GALNT10: variants seen among roughly 807,000 people sequenced by gnomAD.
GALNT10 encodes the protein polypeptide N-acetylgalactosaminyltransferase 10.
Under a neutral mutation model 75.0 loss-of-function variants are expected in GALNT10, and 41 were observed. That is an observed-to-expected ratio of 0.55 (90% CI 0.43 to 0.71). GALNT10 has a LOEUF of 0.71. Among genes scored for constraint, GALNT10 ranks in the 30% least tolerant of loss-of-function variants. The pLI is 0.00. For missense variants in GALNT10, 727 were observed against 818.5 expected (o/e 0.89, Z 1.36); for synonymous variants, 302 against 313.0 (o/e 0.96, Z 0.37).
At chr5:154,296,492 AACGAGCAGTGGAG>A (rs1232319649) in intron 2 of GALNT10, among the ~76,000 whole-genome samples, 1 of 152,228 alleles carries the variant, frequency 6.6e-6, no homozygotes, top group African/African-American at 2.4e-5. Flanking sequence ...AGACAAGAGT[AACGAGCAGTGGAG>A]ACATTAATAA....
At chr5:154,197,899 C>T (rs1334386660) in intron 1 of GALNT10, among the ~76,000 whole-genome samples, 3 of 152,178 alleles carry the variant, frequency 2.0e-5, no homozygotes, top group African/African-American at 7.2e-5. Context: ...GGTATTTGAA[C>T]TCTGACCTAG....
chr5:154,392,061 T>C (rs1020623620), intron 7 of GALNT10: 7 of 152,304 alleles, frequency 4.6e-5, no homozygotes, highest in African/African-American at 1.7e-4. Flanking sequence ...AGAATGGATG[T>C]GGGGCAGAGC....
chr5:154,273,039 T>A (rs1412066390), intron 1 of GALNT10, among the ~76,000 whole-genome samples: 1 of 152,080 alleles, frequency 6.6e-6, no homozygotes, highest in Non-Finnish European at 1.5e-5. Context: ...AGGGGTCAGC[T>A]GAGGCCAAGA....
intron 4 of GALNT10, among the ~76,000 whole-genome samples, chr5:154,353,234 G>T (rs1244906052): frequency 6.6e-6 from 1 of 152,090 alleles, no homozygotes; most frequent in Non-Finnish European, 1.5e-5. Flanking sequence ...TATGTTTTGG[G>T]TTGTGGTGGA....
chr5:154,372,720 C>G (rs996375693), intron 4 of GALNT10, among the ~76,000 whole-genome samples: 1 of 152,092 alleles, frequency 6.6e-6, no homozygotes, highest in South Asian at 2.1e-4. Context: ...GGTTGTTGGC[C>G]GAGGTCCGAC....
intron 1 of GALNT10, among the ~76,000 whole-genome samples, chr5:154,205,021 G>A (rs1775084996): frequency 6.6e-6 from 1 of 152,166 alleles, no homozygotes; most frequent in South Asian, 2.1e-4. Context: ...CTACAGATAG[G>A]ACTCTGACTT....
chr5:154,394,315 AC>A (rs1755969958), intron 7 of GALNT10, among the ~76,000 whole-genome samples: 1 of 126,666 alleles, frequency 7.9e-6, no homozygotes, highest in Non-Finnish European at 1.8e-5. Context: ...ACGTGAACAG[AC>A]TTAAAAAAAA....
At chr5:154,377,120 C>G (rs560832231) in intron 5 of GALNT10, among the ~76,000 whole-genome samples, 1 of 152,168 alleles carries the variant, frequency 6.6e-6, no homozygotes, top group Non-Finnish European at 1.5e-5. Context: ...GAGAGGGCAG[C>G]GTGATCCACT....
intron 1 of GALNT10, among the ~76,000 whole-genome samples, chr5:154,195,860 G>T (rs1327759040): frequency 3.9e-5 from 6 of 152,076 alleles, no homozygotes; most frequent in African/African-American, 1.4e-4. Flanking sequence ...AACCTATCTG[G>T]CTATTTTTTT....
At chr5:154,328,492 A>G (rs1160220756) in intron 3 of GALNT10, among the ~76,000 whole-genome samples, 5 of 152,224 alleles carry the variant, frequency 3.3e-5, no homozygotes, top group Non-Finnish European at 5.9e-5. Context: ...CTGTTCACAC[A>G]TGCAACACAG....
At chr5:154,394,302 G>C (rs1755969466) in intron 7 of GALNT10, among the ~76,000 whole-genome samples, 1 of 149,304 alleles carries the variant, frequency 6.7e-6, no homozygotes, top group Non-Finnish European at 1.5e-5. Flanking sequence ...CCAGTCCCAG[G>C]CTACGTGAAC....
chr5:154,300,481 T>G (rs1443056932), intron 3 of GALNT10, among the ~76,000 whole-genome samples: 1 of 152,194 alleles, frequency 6.6e-6, no homozygotes. Flanking sequence ...ATCTCAGTAT[T>G]TTCTAAGATC....
At chr5:154,233,168 T>C (rs1012157767) in intron 1 of GALNT10, among the ~76,000 whole-genome samples, 12 of 152,162 alleles carry the variant, frequency 7.9e-5, no homozygotes, top group African/African-American at 2.9e-4. Context: ...TTAAAGGACA[T>C]TGTTAATGGG....
intron 2 of GALNT10, among the ~76,000 whole-genome samples, chr5:154,296,321 C>T (rs1195295350): frequency 6.6e-6 from 1 of 152,130 alleles, no homozygotes; most frequent in Non-Finnish European, 1.5e-5. Flanking sequence ...GTCTCGAACT[C>T]CTGGCCTCAG....
intron 1 of GALNT10, among the ~76,000 whole-genome samples, chr5:154,229,948 C>G (rs1296366918): frequency 1.3e-5 from 2 of 152,184 alleles, no homozygotes; most frequent in African/African-American, 2.4e-5. Flanking sequence ...TGTGGAGCCC[C>G]TACTCTGTGT....
intron 4 of GALNT10, among the ~76,000 whole-genome samples, chr5:154,370,688 C>T (rs866683547): frequency 6.6e-6 from 1 of 152,156 alleles, no homozygotes; most frequent in African/African-American, 2.4e-5. Context: ...TGACTGTGCA[C>T]ACCTTGCCAT....
At chr5:154,356,090 A>T in intron 4 of GALNT10, 1 of 455,564 alleles carries the variant, frequency 2.2e-6, no homozygotes. Flanking sequence ...AATTGAATTC[A>T]TTTCATCTTC....
At chr5:154,311,117 T>C (rs559156085) in intron 3 of GALNT10, among the ~76,000 whole-genome samples, 1 of 152,342 alleles carries the variant, frequency 6.6e-6, no homozygotes, top group East Asian at 1.9e-4. Context: ...TCTATGTGAC[T>C]GGATGTGTGG....
intron 4 of GALNT10, among the ~76,000 whole-genome samples, chr5:154,374,893 C>A (rs1755630996): frequency 6.6e-6 from 1 of 152,124 alleles, no homozygotes; most frequent in Non-Finnish European, 1.5e-5. Flanking sequence ...ACAACAAATT[C>A]TTATTTGTTG....
Sources: allele counts gnomAD v4.1 joint callset (sites outside exome capture counted in the v4.1 genomes callset), GRCh38; gene constraint gnomAD v4.1.1; transcripts MANE v1.5; gene names NCBI Gene and HGNC (gene_info 2026-07-23, HGNC 2026-07-21).